MICU2: variants seen among roughly 807,000 people sequenced by gnomAD.
MICU2 encodes mitochondrial calcium uptake 2, also known as calcium uptake protein 2, mitochondrial.
Under a neutral mutation model 60.4 loss-of-function variants are expected in MICU2, and 64 were observed. That is an observed-to-expected ratio of 1.06 (90% CI 0.87 to 1.31). The LOEUF (loss-of-function observed/expected upper bound fraction) is 1.31. MICU2 is among the 50% of genes most tolerant of loss of function. The pLI is 0.00. For synonymous variants in MICU2, 201 were observed against 175.0 expected, an observed-to-expected ratio of 1.15 and a Z score of -1.17; for missense variants, 569 against 531.0, an observed-to-expected ratio of 1.07 and a Z score of -0.70.
chr13:21,583,403 G>A (rs371770693), intron 1 of MICU2, among the ~76,000 whole-genome samples: 12 of 152,174 alleles, frequency 7.9e-5, no homozygotes, highest in East Asian at 7.7e-4. Flanking sequence ...GTATTGCAAC[G>A]GTTTCCTGGT....
intron 3 of MICU2, 111 bp downstream of exon 3, chr13:21,539,546 C>A (rs182335660): frequency 7.0e-7 from 1 of 1,437,810 alleles, no homozygotes; most frequent in African/African-American, 1.4e-5. Flanking sequence ...GATCCGCCCA[C>A]CTTGGCCTCC....
rs752960720 is a variant in MICU2, at chr13:21,503,071, ATC to A, written c.786_787del (p.Glu262AspfsTer11). 5.9e-5 allele frequency: 95 copies of A among 1,598,836 alleles called. No individual in the cohort carries two copies. In the African/African-American group the frequency reaches 9.3e-4, roughly 16 times the overall value. On this transcript the variant is annotated frameshift_variant, in exon 9 of 12. Transcript: ENST00000382374. LOFTEE classifies it high-confidence loss of function. ...AAACTGAAGGAATTCCATTTCTTGAATCTCTGTTTGTAAATTTTCCATAAATC... is the reference window on the plus strand; with the variant it reads ...AAACTGAAGGAATTCCATTTCTTGAATCTGTTTGTAAATTTTCCATAAATC...
At chr13:21,525,610 C>G (rs1408624261) in intron 4 of MICU2, among the ~76,000 whole-genome samples, 1 of 151,724 alleles carries the variant, frequency 6.6e-6, no homozygotes, top group African/African-American at 2.4e-5. Flanking sequence ...TTTTTAACTG[C>G]CAACCTAATG....
At chr13:21,545,659 C>T (rs557993598) in intron 2 of MICU2, among the ~76,000 whole-genome samples, 2 of 148,820 alleles carry the variant, frequency 1.3e-5, no homozygotes, top group East Asian at 2.0e-4. Context: ...CCAGCAAGAG[C>T]GAAAACTCCA....
At chr13:21,500,448 T>G (rs1886123309) in intron 9 of MICU2, among the ~76,000 whole-genome samples, 1 of 66,404 alleles carries the variant, frequency 1.5e-5, no homozygotes. Context: ...TTTTTTTTTT[T>G]GAGACAGAGT....
chr13:21,509,002 A>G (rs1886362590), intron 8 of MICU2, among the ~76,000 whole-genome samples: 1 of 152,182 alleles, frequency 6.6e-6, no homozygotes, highest in Non-Finnish European at 1.5e-5. Context: ...TTGAGGGGTA[A>G]TTTGACACAT....
chr13:21,525,378 G>C (rs1322905804), intron 4 of MICU2, among the ~76,000 whole-genome samples: 1 of 151,602 alleles, frequency 6.6e-6, no homozygotes, highest in Non-Finnish European at 1.5e-5. Context: ...ATTTTTAGTA[G>C]AGACAGGTTT....
At chr13:21,597,389 T>C (rs1411062532) in intron 1 of MICU2, among the ~76,000 whole-genome samples, 7 of 152,188 alleles carry the variant, frequency 4.6e-5, no homozygotes, top group Admixed American at 2.6e-4. Flanking sequence ...CTGGGACAGT[T>C]AGTAACTTAG....
intron 1 of MICU2, among the ~76,000 whole-genome samples, chr13:21,589,057 T>C (rs931951738): frequency 3.9e-5 from 6 of 152,142 alleles, no homozygotes; most frequent in Non-Finnish European, 5.9e-5. Flanking sequence ...GCCTTAGACA[T>C]GATATTAGCA....
At chr13:21,530,884 G>A (rs1180493101) in intron 4 of MICU2, 19 of 758,086 alleles carry the variant, frequency 2.5e-5, no homozygotes, top group East Asian at 1.3e-4. Flanking sequence ...CCTGTACAGC[G>A]ACAGAGCAGA....
intron 1 of MICU2, among the ~76,000 whole-genome samples, chr13:21,581,061 T>C (rs973012253): frequency 5.9e-5 from 9 of 152,276 alleles, no homozygotes; most frequent in Non-Finnish European, 1.0e-4. Flanking sequence ...TTAGCAGTAA[T>C]ATAGTGACAT....
rs34890922 is a variant in MICU2, at chr13:21,498,369, C to CTTTTTTTT, written c.934-2217_934-2210dup. Among the ~76,000 whole-genome samples the CTTTTTTTT allele has an allele frequency of 3.3e-4, 26 of 78,562 alleles. 1 individual carries two copies. The highest frequency in any genetic ancestry group is 1.8e-3 in the East Asian group (3 of 1,698). 51.5% of individuals were successfully genotyped at this position (78,562 alleles called of 152,430 possible). A position where few individuals can be genotyped will look rare whatever the true frequency, so the allele number is the denominator to read the frequency against. On this transcript the variant is annotated intron_variant, in intron 9 of 11. Transcript: ENST00000382374. The stretch of plus-strand genomic sequence containing the variant: ...TGTCTCCATCCAGAAATATCCTATT[C>CTTTTTTTT]TTTTTTTTTTTTTTTTTTTTTTTTT...
chr13:21,537,318 A>T (rs965247493), intron 4 of MICU2, among the ~76,000 whole-genome samples: 2 of 152,154 alleles, frequency 1.3e-5, no homozygotes, highest in Admixed American at 6.5e-5. Flanking sequence ...TCAATGACTC[A>T]TTCTTTCATA....
chr13:21,583,934 A>G (rs1888403142), intron 1 of MICU2, among the ~76,000 whole-genome samples: 1 of 152,244 alleles, frequency 6.6e-6, no homozygotes, highest in Admixed American at 6.5e-5. Flanking sequence ...TTCTCACTGT[A>G]TATAATCTTC....
chr13:21,547,608 A>G (rs1272960463), intron 2 of MICU2, among the ~76,000 whole-genome samples: 2 of 152,260 alleles, frequency 1.3e-5, no homozygotes, highest in Non-Finnish European at 2.9e-5. Flanking sequence ...TGTATGGATT[A>G]TAACTCATTA....
At chr13:21,563,050 C>G (rs1174642299) in intron 2 of MICU2, among the ~76,000 whole-genome samples, 4 of 152,272 alleles carry the variant, frequency 2.6e-5, no homozygotes. Context: ...ATTTTATCCA[C>G]CCTCTTCTTG....
chr13:21,516,868 A>C (rs1242723106), intron 6 of MICU2, among the ~76,000 whole-genome samples: 6 of 152,212 alleles, frequency 3.9e-5, no homozygotes. Flanking sequence ...CCAATATGAA[A>C]GCAATGTGAA....
At chr13:21,602,188 A>G (rs146349639) in intron 1 of MICU2, among the ~76,000 whole-genome samples, 1,850 of 151,848 alleles carry the variant, frequency 0.012, 16 homozygotes, top group Non-Finnish European at 0.018. Flanking sequence ...CTGTGTGGTT[A>G]AAGTGATACT....
intron 7 of MICU2, among the ~76,000 whole-genome samples, chr13:21,510,489 TGGA>T (rs1886399340): frequency 6.6e-6 from 1 of 152,228 alleles, no homozygotes; most frequent in African/African-American, 2.4e-5. Context: ...TGTTGAATGT[TGGA>T]AATACTTGGA....
Sources: gnomAD v4.1 joint callset for allele counts (sites outside exome capture counted in the v4.1 genomes callset) on GRCh38, gnomAD v4.1.1 for gene constraint, MANE v1.5 for transcripts, NCBI Gene and HGNC (gene_info 2026-07-23, HGNC 2026-07-21) for gene names.